RAPGEF5: variants seen among roughly 807,000 people sequenced by gnomAD.
RAPGEF5 encodes M-Ras-regulated GEF.
RAPGEF5 carries 65 observed loss-of-function variants against 125.2 expected under a neutral mutation model. The ratio of observed to expected loss-of-function variants is 0.52; its 90% confidence interval spans 0.43 to 0.64. The LOEUF is 0.64. RAPGEF5 is among the 30% of genes least tolerant of loss of function. The pLI is 0.00. For missense variants in RAPGEF5, 958 were observed against 1,048.1 expected, an observed-to-expected ratio of 0.91 and a Z score of 1.19; for synonymous variants, 391 against 385.9, an observed-to-expected ratio of 1.01 and a Z score of -0.16.
chr7:22,176,153 G>A lies in RAPGEF5; in HGVS notation c.1205-9005C>T, dbSNP rs924982316. 7.2e-5 allele frequency among the ~76,000 whole-genome samples: 11 copies of A among 152,162 alleles called. 1 individual carries two copies. The highest frequency in any genetic ancestry group is 2.0e-4 in the Admixed American group (3 of 15,264). On this transcript the variant is annotated intron_variant, in intron 11 of 25. Transcript: ENST00000665637. ...GTGTCAAAGGCAAAACAGCGTGTGCGGGGGAACTCCCCTTTATAAAACCAT... is the reference window on the plus strand; with the variant it reads ...GTGTCAAAGGCAAAACAGCGTGTGCAGGGGAACTCCCCTTTATAAAACCAT...
chr7:22,355,323 C>T (rs2128390575), intron 1 of RAPGEF5, among the ~76,000 whole-genome samples: 1 of 152,304 alleles, frequency 6.6e-6, no homozygotes, highest in South Asian at 2.1e-4. Context: ...TACTATAGAT[C>T]TATTTATACA....
intron 6 of RAPGEF5, among the ~76,000 whole-genome samples, chr7:22,279,358 A>G (rs1782624349): frequency 6.6e-6 from 1 of 152,186 alleles, no homozygotes; most frequent in African/African-American, 2.4e-5. Context: ...TTAAATTAAA[A>G]TGGTGCTTTA....
At chr7:22,183,472 A>G (rs1328312275) in intron 11 of RAPGEF5, among the ~76,000 whole-genome samples, 1 of 152,136 alleles carries the variant, frequency 6.6e-6, no homozygotes, top group Non-Finnish European at 1.5e-5. Context: ...AGAAAGAACC[A>G]AAGTTCTCTA....
At chr7:22,315,218 GAA>G (rs1783562988) in intron 3 of RAPGEF5, among the ~76,000 whole-genome samples, 150 bp downstream of exon 3, 1 of 152,126 alleles carries the variant, frequency 6.6e-6, no homozygotes, top group South Asian at 2.1e-4. Flanking sequence ...TAAGTTTAAT[GAA>G]AAGTCACCAT....
chr7:22,193,353 A>G lies in RAPGEF5; in HGVS notation c.1204+14T>C. On this transcript the variant is annotated intron_variant, in intron 11 of 25. Transcript: ENST00000665637. ...TGCTATCAGTCTGGAAGCATGAGCT[A>G]CTCAGAGCCTTACCTGTTTCTTTGT... is the stretch of plus-strand genomic sequence containing the variant. 1.9e-6 allele frequency: 3 copies of G among 1,570,748 alleles called. No individual in the cohort carries two copies. Among genetic ancestry groups the G allele is most frequent in the South Asian group, 2.3e-5 (2 of 85,250 alleles).
intron 20 of RAPGEF5, 28 bp from the exon 21 acceptor site, chr7:22,140,143 CT>C: frequency 6.6e-7 from 1 of 1,520,650 alleles, no homozygotes; most frequent in East Asian, 2.5e-5. Flanking sequence ...GTAGAGGACA[CT>C]TTGAGGAAAC....
intron 9 of RAPGEF5, among the ~76,000 whole-genome samples, chr7:22,196,468 C>T (rs547458954): frequency 6.8e-4 from 103 of 152,306 alleles, no homozygotes; most frequent in African/African-American, 2.5e-3. Flanking sequence ...GACATTCATT[C>T]AACAAATAGT....
chr7:22,118,933 C>T lies in RAPGEF5; in HGVS notation c.*3473G>A, dbSNP rs564266709. 2 of 142,906 alleles carry T rather than the reference C, an allele frequency of 1.4e-5. No homozygotes were observed. Among genetic ancestry groups the T allele is most frequent in the Non-Finnish European group, 1.5e-5 (1 of 66,786 alleles). 8.9% of individuals were successfully genotyped at this position (142,906 alleles called of 1,614,324 possible). Reference sequence around the variant, plus strand: ...ACCAGTTTTAAGCAAAACTGGCCCACTCGCTAAGAAGCAGGCTGAAATTTT... The same window carrying T: ...ACCAGTTTTAAGCAAAACTGGCCCATTCGCTAAGAAGCAGGCTGAAATTTT... On this transcript the variant is annotated 3_prime_UTR_variant, in exon 26 of 26. Transcript: ENST00000665637.
In RAPGEF5 at chr7:22,310,045, G is replaced by C; in HGVS notation, c.435C>G (p.His145Gln). The C allele has an allele frequency of 6.3e-7, 1 of 1,599,604 alleles. No individual in the cohort carries two copies. The highest frequency in any genetic ancestry group is 1.1e-5 in the South Asian group (1 of 88,218). Residue 145 changes from histidine to glutamine, a missense_variant, in exon 4 of 26, where the codon CAC becomes CAG. His to Gln is a conservative substitution (Grantham distance 24). Coordinates refer to ENST00000665637, the MANE Select transcript of RAPGEF5 (RefSeq NM_012294.5). ...TAGATCTGCACTGGACGAAAGGACA[G>C]TGTTCTAGAAGCCAGTCTACCAGCT... ...GSELVDWLLEHCPFVQCRSMA... is the reference protein window; with the variant it reads ...GSELVDWLLEQCPFVQCRSMA...
At chr7:22,315,304 T>G (rs1783564738) in intron 3 of RAPGEF5, 66 bp downstream of exon 3, 1 of 1,507,324 alleles carries the variant, frequency 6.6e-7, no homozygotes, top group Non-Finnish European at 8.9e-7. Context: ...AGGTTACAAT[T>G]TTAACACAGG....
At chr7:22,225,643 C>T (rs995528422) in intron 8 of RAPGEF5, among the ~76,000 whole-genome samples, 1 of 152,078 alleles carries the variant, frequency 6.6e-6, no homozygotes, top group Non-Finnish European at 1.5e-5. Context: ...ATTGTGGGAG[C>T]TTTGCTATGG....
At chr7:22,175,808 A>C (rs950285898) in intron 11 of RAPGEF5, among the ~76,000 whole-genome samples, 1 of 152,228 alleles carries the variant, frequency 6.6e-6, no homozygotes, top group Admixed American at 6.5e-5. Context: ...AGTCATTCTA[A>C]CAACTGAATC....
At chr7:22,188,470 C>G (rs1027622606) in intron 11 of RAPGEF5, among the ~76,000 whole-genome samples, 1 of 152,084 alleles carries the variant, frequency 6.6e-6, no homozygotes, top group Non-Finnish European at 1.5e-5. Context: ...CAGTGCAATG[C>G]TTAAAAAACA....
intron 1 of RAPGEF5, among the ~76,000 whole-genome samples, chr7:22,348,945 G>C (rs950928850): frequency 2.0e-5 from 3 of 151,764 alleles, no homozygotes; most frequent in African/African-American, 7.3e-5. Flanking sequence ...AAATTAGCCA[G>C]GTGTGGTGGC....
Position 22,180,700 on chromosome 7 carries a change from C to T in RAPGEF5, c.1204+12667G>A, listed in dbSNP as rs113309509. Among the ~76,000 whole-genome samples, 119 of 152,228 alleles carry T rather than the reference C, an allele frequency of 7.8e-4. 4 individuals are homozygous for T. The highest frequency in any genetic ancestry group is 3.1e-3 in the South Asian group (15 of 4,824). ...GAAAATTTCCAGAAGCTCAAGTACA[C>T]GATCTGCAATATGATATGGTTCTCA... On this transcript the variant is annotated intron_variant, in intron 11 of 25. Transcript: ENST00000665637.
intron 16 of RAPGEF5, among the ~76,000 whole-genome samples, chr7:22,155,094 T>C (rs780100975): frequency 2.0e-5 from 3 of 152,226 alleles, no homozygotes; most frequent in African/African-American, 7.2e-5. Flanking sequence ...TATTTTGCTA[T>C]TAGAATTCTC....
chr7:22,226,722 A>C (rs1785927857), intron 8 of RAPGEF5, among the ~76,000 whole-genome samples: 1 of 152,152 alleles, frequency 6.6e-6, no homozygotes, highest in Non-Finnish European at 1.5e-5. Flanking sequence ...GAGCTTTAGA[A>C]ATCATTTCAT....
At chr7:22,350,957 G>C (rs916042591) in intron 1 of RAPGEF5, among the ~76,000 whole-genome samples, 3 of 152,168 alleles carry the variant, frequency 2.0e-5, no homozygotes, top group Non-Finnish European at 2.9e-5. Flanking sequence ...CCTCATATCT[G>C]ATCTGACTCA....
At chr7:22,239,885 C>T (rs1786281156) in intron 7 of RAPGEF5, among the ~76,000 whole-genome samples, 1 of 152,006 alleles carries the variant, frequency 6.6e-6, no homozygotes, top group Admixed American at 6.6e-5. Flanking sequence ...CGTTTCATTG[C>T]CATTCTTATA....
Sources: gnomAD v4.1 joint callset for allele counts (sites outside exome capture counted in the v4.1 genomes callset) on GRCh38, gnomAD v4.1.1 for gene constraint, MANE v1.5 for transcripts, NCBI Gene and HGNC (gene_info 2026-07-23, HGNC 2026-07-21) for gene names.